Variants in DLGAP2 observed in about 807,000 individuals in gnomAD.
DLGAP2 encodes disks large-associated protein 2.
Under a neutral mutation model 100.3 loss-of-function variants are expected in DLGAP2, and 26 were observed. The ratio of observed to expected loss-of-function variants is 0.26; its 90% CI spans 0.19 to 0.36. The LOEUF (loss-of-function observed/expected upper bound fraction) is 0.36. Among genes scored for constraint, DLGAP2 ranks in the 10% least tolerant of loss-of-function variants. The pLI is 1.00. For synonymous variants in DLGAP2, 886 were observed against 630.1 expected (o/e 1.41, Z -6.08); for missense variants, 1,858 against 1,453.2 (o/e 1.28, Z -4.53).
chr8:938,445 C>T (rs747076108), intron 2 of DLGAP2, among the ~76,000 whole-genome samples: 4 of 152,028 alleles, frequency 2.6e-5, no homozygotes, highest in Non-Finnish European at 5.9e-5. Flanking sequence ...CTCAAGGGGA[C>T]GGAGGTGAAG....
intron 2 of DLGAP2, among the ~76,000 whole-genome samples, chr8:1,214,049 G>C (rs892332685): frequency 3.3e-5 from 5 of 150,792 alleles, no homozygotes; most frequent in African/African-American, 1.2e-4. Flanking sequence ...ACAGCCGCCT[G>C]TCCTCACCTC....
rs192996039 is a variant in DLGAP2, at chr8:1,347,812, A to G, written c.106+88929A>G. ...GGAGGTTGAGTTCCTATACAGAGCT[A>G]CATTGCACTCATGTTAGCTGTGTGG... On this transcript the variant is annotated intron_variant, in intron 3 of 14. Coordinates refer to ENST00000637795, the MANE Select transcript of DLGAP2 (RefSeq NM_001346810.2). Among the ~76,000 whole-genome samples, 745 of 149,046 alleles carry G rather than the reference A, an allele frequency of 5.0e-3. 6 individuals are homozygous for G. The highest frequency in any genetic ancestry group is 0.014 in the Middle Eastern group (4 of 276).
rs1377549264 is a variant in DLGAP2, at chr8:1,033,893, C to T, written c.73+125927C>T. Among the ~76,000 whole-genome samples, 2 of 110,868 alleles carry T rather than the reference C, an allele frequency of 1.8e-5. 1 individual carries two copies. The highest frequency in any genetic ancestry group is 7.2e-4 in the South Asian group (2 of 2,788). The allele number at this position is 110,868 out of a possible 152,430, so 72.7% of individuals were successfully genotyped here. A position where few individuals can be genotyped will look rare whatever the true frequency, so the allele number is the denominator to read the frequency against. ...GCCTCATCCCGACCCCGCGTGTCACCGCGAGTGGACTCACACCCTCATCCC... is the reference window on the plus strand; with the variant it reads ...GCCTCATCCCGACCCCGCGTGTCACTGCGAGTGGACTCACACCCTCATCCC... On this transcript the variant is annotated intron_variant, in intron 2 of 14. Transcript: ENST00000637795.
chr8:1,263,111 T>G (rs1247275914), intron 3 of DLGAP2, among the ~76,000 whole-genome samples: 1 of 152,184 alleles, frequency 6.6e-6, no homozygotes, highest in Non-Finnish European at 1.5e-5. Context: ...AATGTAGCAT[T>G]AGAAAATGCT....
intron 1 of DLGAP2, among the ~76,000 whole-genome samples, chr8:778,998 G>T (rs1023068271): frequency 6.6e-6 from 1 of 152,248 alleles, no homozygotes; most frequent in African/African-American, 2.4e-5. Flanking sequence ...GCGAGACTCC[G>T]TGGGGTAGGA....
chr8:1,548,483 AAC>A (rs1491070595), intron 4 of DLGAP2, 141 bp from the exon 5 acceptor site: 350 of 534,660 alleles, frequency 6.5e-4, no homozygotes, highest in African/African-American at 5.3e-3. Flanking sequence ...AAAAAAAAAA[AAC>A]CCACAAATCT....
intron 6 of DLGAP2, among the ~76,000 whole-genome samples, chr8:1,582,388 T>C (rs73529639): frequency 0.08 from 11,371 of 142,410 alleles, 942 homozygotes; most frequent in African/African-American, 0.21. Context: ...AGCACACTTT[T>C]CATCGTAAAT....
intron 2 of DLGAP2, among the ~76,000 whole-genome samples, chr8:1,128,189 C>T (rs1202417730): frequency 3.9e-5 from 5 of 127,102 alleles, no homozygotes; most frequent in Middle Eastern, 5.1e-3. Flanking sequence ...ACCTGCTCCC[C>T]GTGTTGTGTT....
intron 1 of DLGAP2, among the ~76,000 whole-genome samples, chr8:793,569 A>G (rs959258646): frequency 6.6e-6 from 1 of 151,944 alleles, no homozygotes; most frequent in African/African-American, 2.4e-5. Context: ...TTCTTCTATT[A>G]TTTCTTTCTT....
chr8:1,496,610 C>A (rs2130304251), intron 3 of DLGAP2, among the ~76,000 whole-genome samples: 1 of 152,266 alleles, frequency 6.6e-6, no homozygotes, highest in South Asian at 2.1e-4. Context: ...ATCACGGCGC[C>A]CTATGTTTGA....
intron 2 of DLGAP2, among the ~76,000 whole-genome samples, chr8:1,198,330 G>T (rs1272855624): frequency 6.6e-6 from 1 of 152,184 alleles, no homozygotes; most frequent in Non-Finnish European, 1.5e-5. Flanking sequence ...CTATTGTTTT[G>T]AAATGACAAC....
intron 8 of DLGAP2, among the ~76,000 whole-genome samples, chr8:1,633,369 G>T (rs1797697374): frequency 6.6e-6 from 1 of 152,174 alleles, no homozygotes; most frequent in Non-Finnish European, 1.5e-5. Context: ...AAATACCAAA[G>T]TTTAATGGAT....
At position 765,224 on chromosome 8, in the gene DLGAP2, CA is replaced by C. The variant is rs763312760; in HGVS notation, c.18+27406del. Among the ~76,000 whole-genome samples the C allele has an allele frequency of 5.9e-4, 89 of 152,050 alleles. 1 individual carries two copies. The highest frequency in any genetic ancestry group is 3.4e-3 in the Middle Eastern group (1 of 294). The stretch of plus-strand genomic sequence containing the variant: ...GTTTATTTAAAAGATAACTTTATTA[CA>C]AAAAAACCCTAATATGAGCTATAAG... On this transcript the variant is annotated intron_variant, in intron 1 of 14. Coordinates refer to ENST00000637795, the MANE Select transcript of DLGAP2 (RefSeq NM_001346810.2).
intron 2 of DLGAP2, among the ~76,000 whole-genome samples, chr8:1,085,781 A>G (rs1430347422): frequency 6.6e-6 from 1 of 152,106 alleles, no homozygotes; most frequent in African/African-American, 2.4e-5. Flanking sequence ...GAGTTTTAGA[A>G]TTGTTTTTTC....
intron 1 of DLGAP2, among the ~76,000 whole-genome samples, chr8:806,646 G>A (rs34673948): frequency 0.13 from 19,327 of 152,118 alleles, 1,779 homozygotes; most frequent in East Asian, 0.52. Flanking sequence ...GACCCCTTCG[G>A]GGCCAGCGCT....
At chr8:1,538,996 A>C (rs536168363) in intron 4 of DLGAP2, among the ~76,000 whole-genome samples, 1 of 148,796 alleles carries the variant, frequency 6.7e-6, no homozygotes, top group South Asian at 2.1e-4. Flanking sequence ...AGTGGTTCTC[A>C]TGGCTCGGCC....
intron 3 of DLGAP2, among the ~76,000 whole-genome samples, chr8:1,431,753 T>C (rs1334145216): frequency 1.1e-5 from 1 of 95,230 alleles, no homozygotes; most frequent in Non-Finnish European, 2.8e-5. Context: ...CAGCCTTCCT[T>C]TTCTTTAGTT....
intron 3 of DLGAP2, among the ~76,000 whole-genome samples, chr8:1,337,112 A>G (rs1031810808): frequency 3.4e-5 from 5 of 149,020 alleles, no homozygotes; most frequent in Non-Finnish European, 6.1e-5. Context: ...GAAGAAATAG[A>G]TAATGATGAT....
At chr8:1,163,778 T>C (rs897274493) in intron 2 of DLGAP2, among the ~76,000 whole-genome samples, 1 of 152,140 alleles carries the variant, frequency 6.6e-6, no homozygotes, top group Admixed American at 6.5e-5. Context: ...TGCCTTCTGT[T>C]TTCTAAATGG....
Sources: allele counts gnomAD v4.1 joint callset (sites outside exome capture counted in the v4.1 genomes callset), GRCh38; gene constraint gnomAD v4.1.1; transcripts MANE v1.5; gene names NCBI Gene and HGNC (gene_info 2026-07-23, HGNC 2026-07-21).